LARS2: variants seen among roughly 807,000 people sequenced by gnomAD.
LARS2 encodes the protein leucyl-tRNA synthetase 2, mitochondrial.
In LARS2, 81 loss-of-function variants were observed where a neutral mutation model predicts 116.6. The ratio of observed to expected loss-of-function variants is 0.69; its 90% confidence interval spans 0.58 to 0.84. The LOEUF is 0.84. Ranked by LOEUF, LARS2 falls within the 40% of genes least tolerant of loss-of-function variation. LARS2 has a pLI of 0.00. For missense variants in LARS2, 968 were observed against 1,114.5 expected (o/e 0.87, Z 1.87); for synonymous variants, 396 against 407.2 (o/e 0.97, Z 0.33).
intron 9 of LARS2, 65 bp from the exon 10 acceptor site, chr3:45,476,403 T>G: frequency 6.5e-7 from 1 of 1,542,920 alleles, no homozygotes; most frequent in Admixed American, 1.7e-5. Flanking sequence ...GGGGATACAG[T>G]TAGGGAGCAA....
intron 4 of LARS2, among the ~76,000 whole-genome samples, chr3:45,401,984 A>C (rs147945928): frequency 6.6e-6 from 1 of 152,244 alleles, no homozygotes; most frequent in East Asian, 1.9e-4. Flanking sequence ...GATAATCATA[A>C]TATCTTCTTT....
chr3:45,522,379 C>T (rs1421068793), intron 19 of LARS2, among the ~76,000 whole-genome samples: 3 of 152,186 alleles, frequency 2.0e-5, no homozygotes, highest in Non-Finnish European at 4.4e-5. Context: ...CCATTAACCT[C>T]ATGTCTTGAA....
chr3:45,491,432 T>G (rs1249191996), intron 12 of LARS2, 85 bp from the exon 13 acceptor site: 1 of 1,463,660 alleles, frequency 6.8e-7, no homozygotes, highest in Non-Finnish European at 9.4e-7. Context: ...GAGCCACACA[T>G]AAACATGGCA....
intron 20 of LARS2, among the ~76,000 whole-genome samples, chr3:45,534,351 CAG>C (rs1356762965): frequency 1.3e-5 from 2 of 152,144 alleles, no homozygotes; most frequent in Non-Finnish European, 2.9e-5. Context: ...GTTAATGTAA[CAG>C]AGTGTTGAAA....
chr3:45,392,703 TG>T (rs973073682), intron 2 of LARS2, among the ~76,000 whole-genome samples: 1 of 152,160 alleles, frequency 6.6e-6, no homozygotes, highest in African/African-American at 2.4e-5. Context: ...CAGACCAACT[TG>T]TAAGATGCCC....
intron 20 of LARS2, among the ~76,000 whole-genome samples, chr3:45,538,700 G>T (rs745796345): frequency 6.6e-6 from 1 of 152,208 alleles, no homozygotes; most frequent in African/African-American, 2.4e-5. Context: ...CAGGGTTACA[G>T]CAAGAGTGCC....
At chr3:45,536,158 G>T (rs1700702129) in intron 20 of LARS2, among the ~76,000 whole-genome samples, 1 of 82 alleles carries the variant, frequency 0.012, no homozygotes, top group Non-Finnish European at 0.021. Flanking sequence ...GTCTCACTCT[G>T]TTGCCCAGGC....
chr3:45,479,408 G>A (rs1559482123), intron 10 of LARS2, among the ~76,000 whole-genome samples: 2 of 151,994 alleles, frequency 1.3e-5, no homozygotes, highest in East Asian at 1.9e-4. Context: ...AGATGGCGAG[G>A]CCCCCAGAAC....
chr3:45,431,292 T>C (rs1698708095), intron 6 of LARS2, among the ~76,000 whole-genome samples: 1 of 152,234 alleles, frequency 6.6e-6, no homozygotes, highest in African/African-American at 2.4e-5. Flanking sequence ...CAGCCCAAGC[T>C]GACTAAGATA....
chr3:45,529,375 G>A (rs150156430), intron 20 of LARS2, among the ~76,000 whole-genome samples: 51 of 151,862 alleles, frequency 3.4e-4, no homozygotes, highest in African/African-American at 1.1e-3. Context: ...GAGACCAGCC[G>A]TCAGGCTCTA....
chr3:45,511,898 C>A (rs1388392036), intron 15 of LARS2, among the ~76,000 whole-genome samples: 1 of 151,330 alleles, frequency 6.6e-6, no homozygotes, highest in Non-Finnish European at 1.5e-5. Context: ...GCCTCAGCCT[C>A]CCAAGCAGCG....
intron 10 of LARS2, among the ~76,000 whole-genome samples, chr3:45,485,279 C>T (rs567353169): frequency 6.6e-6 from 1 of 152,224 alleles, no homozygotes; most frequent in East Asian, 1.9e-4. Flanking sequence ...TCTGCTCAGT[C>T]ATTTTCTACT....
intron 6 of LARS2, among the ~76,000 whole-genome samples, chr3:45,434,012 AT>A (rs2125696604): frequency 6.6e-6 from 1 of 151,714 alleles, no homozygotes; most frequent in East Asian, 1.9e-4. Flanking sequence ...TGCTTTCAAT[AT>A]TTTTTTCTTT....
At chr3:45,491,160 A>T (rs755079366) in intron 12 of LARS2, among the ~76,000 whole-genome samples, 1 of 152,236 alleles carries the variant, frequency 6.6e-6, no homozygotes, top group African/African-American at 2.4e-5. Context: ...ACCAGGGCCA[A>T]CTTAGACACA....
chr3:45,488,319 G>A (rs554468434), intron 11 of LARS2, among the ~76,000 whole-genome samples: 1 of 152,152 alleles, frequency 6.6e-6, no homozygotes, highest in African/African-American at 2.4e-5. Flanking sequence ...TGTTATCCCA[G>A]CTACTCAGGA....
chr3:45,458,110 T>A (rs1239880493), intron 7 of LARS2, among the ~76,000 whole-genome samples: 4 of 152,190 alleles, frequency 2.6e-5, no homozygotes, highest in South Asian at 4.1e-4. Flanking sequence ...ATAATCCTAT[T>A]CTGTCAAATT....
intron 4 of LARS2, among the ~76,000 whole-genome samples, chr3:45,408,625 C>G (rs1559458675): frequency 6.6e-6 from 1 of 152,160 alleles, no homozygotes; most frequent in Non-Finnish European, 1.5e-5. Context: ...TCTCTCTGCC[C>G]TGGTTTGGTC....
At chr3:45,403,512 C>T (rs1698188078) in intron 4 of LARS2, among the ~76,000 whole-genome samples, 1 of 152,116 alleles carries the variant, frequency 6.6e-6, no homozygotes, top group Non-Finnish European at 1.5e-5. Context: ...GACGGGGTTT[C>T]ACCATGTTGG....
At position 45,518,059 on chromosome 3, in the gene LARS2, C is replaced by G. The variant is rs777112747; in HGVS notation, c.2201C>G (p.Ser734Cys). The G allele has an allele frequency of 1.2e-6, 2 of 1,612,390 alleles. No individual in the cohort carries two copies. Among genetic ancestry groups the G allele is most frequent in the Middle Eastern group, 1.6e-4 (1 of 6,080 alleles). ...EARKLWEYKN[S>C]VISQVTTHFT... ...AGGAAGCTCTGGGAGTACAAGAACTCCGTCATCTCTCAGGTCAGAAACTCT... is the reference window on the plus strand; with the variant it reads ...AGGAAGCTCTGGGAGTACAAGAACTGCGTCATCTCTCAGGTCAGAAACTCT... Residue 734 changes from serine (S) to cysteine (C), a missense_variant, in exon 18 of 22, where the codon TCC becomes TGC. Ser to Cys is a moderately radical substitution (Grantham distance 112, BLOSUM62 -1). Coordinates refer to ENST00000645846, the MANE Select transcript of LARS2 (RefSeq NM_015340.4).
Sources: gnomAD v4.1 joint callset for allele counts (sites outside exome capture counted in the v4.1 genomes callset) on GRCh38, gnomAD v4.1.1 for gene constraint, MANE v1.5 for transcripts, NCBI Gene and HGNC (gene_info 2026-07-23, HGNC 2026-07-21) for gene names.